The following DNAH14 variants were observed in gnomAD, a reference collection of about 807,000 sequenced individuals.
DNAH14 encodes the protein dynein axonemal heavy chain 14, also known as axonemal beta dynein heavy chain 14.
DNAH14 carries 478 observed loss-of-function variants against 520.9 expected under a neutral mutation model. That is an observed-to-expected ratio of 0.92 (90% CI 0.85 to 0.99). DNAH14 has a LOEUF of 0.99. Ranked by LOEUF, DNAH14 falls within the 50% of genes least tolerant of loss-of-function variation. The probability of loss-of-function intolerance (pLI) is 0.00; values close to 1 mark genes in which losing one functional copy is unlikely to be tolerated. For synonymous variants in DNAH14, 1,581 were observed against 1,757.2 expected (o/e 0.90, Z 2.51); for missense variants, 4,831 against 5,234.5 (o/e 0.92, Z 2.38).
intron 40 of DNAH14, 98 bp from the exon 41 acceptor site, chr1:225,206,870 T>G: frequency 1.7e-5 from 18 of 1,061,772 alleles, no homozygotes; most frequent in Admixed American, 3.5e-5. Flanking sequence ...GTCATATTTA[T>G]GAGAGGGCAG....
intron 1 of DNAH14, among the ~76,000 whole-genome samples, chr1:224,934,515 G>A (rs2125343014): frequency 6.6e-6 from 1 of 151,910 alleles, no homozygotes; most frequent in East Asian, 1.9e-4. Context: ...AAAAAAGAAT[G>A]AGCAAAGTCT....
chr1:225,242,245 T>A (rs1268007964), intron 43 of DNAH14, among the ~76,000 whole-genome samples: 10 of 147,536 alleles, frequency 6.8e-5, no homozygotes, highest in East Asian at 2.1e-4. Context: ...AAAAAAAAAT[T>A]TTTTTTCTTC....
chr1:225,159,366 G>T lies in DNAH14; in HGVS notation c.5326G>T (p.Ala1776Ser), dbSNP rs550254307. 3.2e-6 allele frequency: 5 copies of T among 1,551,566 alleles called. No individual in the cohort carries two copies. The East Asian group carries it at 9.8e-5, about 30-fold the overall frequency. ...AGATGAAACCTTGATTGTTATCGAG[G>T]CTATAAGAGAAGCTAGTTTGCCAAA... ...EADETLIVIEAIREASLPKCP... is the reference protein window; with the variant it reads ...EADETLIVIESIREASLPKCP... Residue 1776 changes from alanine (A) to serine (S), a missense_variant, in exon 35 of 86, where the codon GCT (alanine) becomes TCT (serine). By Grantham distance (99) the Ala-to-Ser change is moderately conservative. Transcript: ENST00000682510.
chr1:225,367,475 A>G (rs1395201718), intron 76 of DNAH14, among the ~76,000 whole-genome samples: 1 of 152,172 alleles, frequency 6.6e-6, no homozygotes, highest in Non-Finnish European at 1.5e-5. Flanking sequence ...ACTGCCATTG[A>G]CACTAAGTTT....
intron 63 of DNAH14, 138 bp from the exon 64 acceptor site, chr1:225,324,599 G>T: frequency 1.1e-6 from 1 of 917,014 alleles, no homozygotes. Context: ...AGGCAACTTT[G>T]TACCCCACAT....
rs1316657909 is a variant in DNAH14 at position 225,389,738 on chromosome 1, A to G, written c.13195A>G (p.Met4399Val). Reference sequence around the variant, plus strand: ...CTGTGGTCTGCCTTCCACTAGGTATATGAGATTTGTCACAGTTTGGAAGCA... The same window carrying G: ...CTGTGGTCTGCCTTCCACTAGGTATGTGAGATTTGTCACAGTTTGGAAGCA... ...VAYTAIQRRY[M>V]RFVTVWKQSI... The change falls in exon 83 of 86, where the codon ATG becomes GTG. Residue 4399 changes from methionine (M) to valine (V), a missense_variant. Transcript: ENST00000682510. 5 of 1,552,256 alleles carry G rather than the reference A, an allele frequency of 3.2e-6. No homozygotes were observed. In the Admixed American group the frequency reaches 9.8e-5, roughly 30 times the overall value.
intron 73 of DNAH14, among the ~76,000 whole-genome samples, chr1:225,356,894 A>G (rs1335687837): frequency 2.6e-5 from 4 of 152,182 alleles, no homozygotes; most frequent in Admixed American, 6.6e-5. Context: ...TTTATGAACT[A>G]GAAATTTTAT....
At chr1:225,033,917 T>G (rs2066737187) in intron 11 of DNAH14, among the ~76,000 whole-genome samples, 1 of 152,318 alleles carries the variant, frequency 6.6e-6, no homozygotes, top group East Asian at 1.9e-4. Flanking sequence ...GTACATTGAT[T>G]TTGTATCCTG....
chr1:225,307,348 A>G, intron 58 of DNAH14, 113 bp from the exon 59 acceptor site: 1 of 736,020 alleles, frequency 1.4e-6, no homozygotes, highest in South Asian at 2.0e-5. Context: ...TTGCATCTCT[A>G]GAATAAAATC....
chr1:225,190,917 G>T (rs1288280932), intron 37 of DNAH14, among the ~76,000 whole-genome samples: 2 of 151,906 alleles, frequency 1.3e-5, no homozygotes, highest in African/African-American at 4.8e-5. Context: ...CAATCCAGTA[G>T]AACTGATACC....
intron 74 of DNAH14, 109 bp from the exon 75 acceptor site, chr1:225,360,572 C>A: frequency 9.4e-7 from 1 of 1,067,968 alleles, no homozygotes; most frequent in Non-Finnish European, 1.3e-6. Context: ...AGTCTTTCCG[C>A]TATGACTATA....
intron 26 of DNAH14, among the ~76,000 whole-genome samples, chr1:225,119,833 TAGAA>T (rs956015004): frequency 6.6e-6 from 1 of 152,218 alleles, no homozygotes; most frequent in African/African-American, 2.4e-5. Context: ...TTGTTGGTAA[TAGAA>T]AGGCTATTGA....
chr1:225,397,957 G>C (rs2096042733), intron 84 of DNAH14: 1 of 138,390 alleles, frequency 7.2e-6, no homozygotes, highest in African/African-American at 2.6e-5. Context: ...TGAAGTGGGA[G>C]AACCGATGGA....
chr1:225,179,071 C>A (rs2083667061), intron 36 of DNAH14, among the ~76,000 whole-genome samples: 1 of 152,162 alleles, frequency 6.6e-6, no homozygotes, highest in Non-Finnish European at 1.5e-5. Context: ...TCCAATTAAA[C>A]CTCTTCCTTT....
intron 34 of DNAH14, among the ~76,000 whole-genome samples, chr1:225,157,493 C>T (rs2081154981): frequency 6.6e-6 from 1 of 152,062 alleles, no homozygotes; most frequent in African/African-American, 2.4e-5. Context: ...TTTCGCATGC[C>T]ATTTCCAAAA....
chr1:225,157,114 A>C (rs922609784), intron 34 of DNAH14, among the ~76,000 whole-genome samples: 2 of 152,084 alleles, frequency 1.3e-5, no homozygotes, highest in African/African-American at 4.8e-5. Context: ...TTTTTCTTTT[A>C]AGGGAAAAAG....
chr1:224,955,079 G>A lies in DNAH14; in HGVS notation c.198G>A (p.Leu66=), dbSNP rs372589152. ...CAGTTAGAACATTCTCTGAATCTTT[G>A]AAGTCAGAGAAAACAGAAGGTATTT... ...YKTVRTFSES[L]KSEKTEDYLR... Residue 66 remains leucine, a synonymous_variant, in exon 3 of 86, where the codon TTG becomes TTA. Coordinates refer to ENST00000682510, the MANE Select transcript of DNAH14 (RefSeq NM_001367479.1). 5.6e-6 allele frequency: 9 copies of A among 1,609,190 alleles called. No homozygotes were observed. The highest frequency in any genetic ancestry group is 7.6e-6 in the Non-Finnish European group (9 of 1,177,670).
chr1:225,147,169 T>A lies in DNAH14; in HGVS notation c.4860T>A (p.Asn1620Lys). 6.4e-7 allele frequency: 1 copy of A among 1,551,052 alleles called. No homozygotes were observed. Among genetic ancestry groups the A allele is most frequent in the Non-Finnish European group, 8.7e-7 (1 of 1,146,694 alleles). Residue 1620 changes from asparagine (N) to lysine (K), a missense_variant, in exon 31 of 86, where the codon AAT (asparagine) becomes AAA (lysine). Asn to Lys is a moderately conservative substitution (Grantham distance 94). Transcript: ENST00000682510. ...SGAWSCFDEF[N>K]LIDLEVLSVI... Reference sequence around the variant, plus strand: ...CATGGAGTTGTTTTGATGAATTCAATCTAATTGATTTGGAAGTTCTCTCTG... The same window carrying A: ...CATGGAGTTGTTTTGATGAATTCAAACTAATTGATTTGGAAGTTCTCTCTG...
intron 8 of DNAH14, among the ~76,000 whole-genome samples, chr1:224,989,550 G>T (rs1202272070): frequency 6.6e-6 from 1 of 151,908 alleles, no homozygotes; most frequent in Non-Finnish European, 1.5e-5. Flanking sequence ...GATCTATATG[G>T]CTTTATTTCC....
Sources: allele counts gnomAD v4.1 joint callset (sites outside exome capture counted in the v4.1 genomes callset), GRCh38; gene constraint gnomAD v4.1.1; transcripts MANE v1.5; gene names NCBI Gene and HGNC (gene_info 2026-07-23, HGNC 2026-07-21).